ANKRD17: variants seen among roughly 807,000 people sequenced by gnomAD.
The protein encoded by ANKRD17 is ankyrin repeat domain 17.
A neutral mutation model predicts 229.7 loss-of-function variants in ANKRD17; 19 were observed. The observed-to-expected ratio is 0.08, with a 90% CI of 0.06 to 0.12. The LOEUF is 0.12. ANKRD17 is among the 10% of genes least tolerant of loss of function. The pLI, the probability that ANKRD17 is intolerant of heterozygous loss-of-function variation, is 1.00. For missense variants in ANKRD17, 2,176 were observed against 3,176.8 expected, an observed-to-expected ratio of 0.68 and a Z score of 7.57; for synonymous variants, 1,112 against 1,146.1, an observed-to-expected ratio of 0.97 and a Z score of 0.60.
chr4:73,166,034 C>A (rs1385480565), intron 2 of ANKRD17, among the ~76,000 whole-genome samples: 1 of 152,182 alleles, frequency 6.6e-6, no homozygotes, highest in Non-Finnish European at 1.5e-5. Flanking sequence ...GTCTGGCTCA[C>A]AGAAATTTAA....
chr4:73,192,097 A>C (rs925886504), intron 1 of ANKRD17, among the ~76,000 whole-genome samples: 1 of 152,002 alleles, frequency 6.6e-6, no homozygotes, highest in African/African-American at 2.4e-5. Flanking sequence ...ATCACCTCTC[A>C]TCTCTTTTGC....
intron 1 of ANKRD17, among the ~76,000 whole-genome samples, chr4:73,229,751 A>G (rs1742871432): frequency 6.6e-6 from 1 of 152,018 alleles, no homozygotes; most frequent in African/African-American, 2.4e-5. Context: ...ATTCCCCCCA[A>G]TATTTAATGG....
chr4:73,140,517 C>T (rs1729464633), intron 14 of ANKRD17, among the ~76,000 whole-genome samples: 1 of 152,170 alleles, frequency 6.6e-6, no homozygotes, highest in African/African-American at 2.4e-5. Context: ...AAAAATAGCA[C>T]ATGGCTTAAA....
At chr4:73,212,511 C>A (rs1373398118) in intron 1 of ANKRD17, among the ~76,000 whole-genome samples, 1 of 151,656 alleles carries the variant, frequency 6.6e-6, no homozygotes, top group Non-Finnish European at 1.5e-5. Context: ...CAGAAGAGAG[C>A]ATATTTCTAT....
intron 24 of ANKRD17, among the ~76,000 whole-genome samples, chr4:73,110,500 A>G (rs532578377): frequency 6.6e-6 from 1 of 152,296 alleles, no homozygotes; most frequent in South Asian, 2.1e-4. Flanking sequence ...CAAATTTTCC[A>G]AATTAGAAAG....
chr4:73,083,910 G>T (rs1186092524), intron 30 of ANKRD17, among the ~76,000 whole-genome samples: 1 of 142,132 alleles, frequency 7.0e-6, no homozygotes, highest in East Asian at 2.2e-4. Context: ...AGTATTGCTA[G>T]TTAGAAGAAA....
chr4:73,147,140 A>T (rs1730391417), intron 9 of ANKRD17, 101 bp downstream of exon 9: 3 of 1,160,182 alleles, frequency 2.6e-6, no homozygotes, highest in Non-Finnish European at 3.6e-6. Context: ...TTTTAAACTC[A>T]CACATTCAGT....
intron 15 of ANKRD17, among the ~76,000 whole-genome samples, chr4:73,138,854 A>T (rs1307650970): frequency 6.6e-6 from 1 of 152,140 alleles, no homozygotes; most frequent in East Asian, 1.9e-4. Flanking sequence ...CAATGAAACT[A>T]GTTATAATCG....
At chr4:73,252,171 G>A (rs148817807) in intron 1 of ANKRD17, among the ~76,000 whole-genome samples, 1 of 152,316 alleles carries the variant, frequency 6.6e-6, no homozygotes, top group African/African-American at 2.4e-5. Context: ...ACTTACATAA[G>A]ACACATGGTA....
intron 1 of ANKRD17, among the ~76,000 whole-genome samples, chr4:73,257,231 G>A (rs576746255): frequency 1.3e-5 from 2 of 152,206 alleles, no homozygotes; most frequent in East Asian, 1.9e-4. Context: ...AGACAAGAGA[G>A]TGGTAAAACA....
At chr4:73,190,130 AGGCTGAGGCT>A (rs1403522858) in intron 1 of ANKRD17, among the ~76,000 whole-genome samples, 1 of 152,132 alleles carries the variant, frequency 6.6e-6, no homozygotes, top group African/African-American at 2.4e-5. Flanking sequence ...GCATGTTGGG[AGGCTGAGGCT>A]GGCAGATCAC....
chr4:73,209,164 C>A, intron 1 of ANKRD17, among the ~76,000 whole-genome samples: 1 of 152,112 alleles, frequency 6.6e-6, no homozygotes, highest in East Asian at 1.9e-4. Flanking sequence ...CAAGATCGTG[C>A]CACTGCACTC....
intron 24 of ANKRD17, among the ~76,000 whole-genome samples, chr4:73,103,790 G>C (rs565605568): frequency 6.7e-6 from 1 of 149,874 alleles, no homozygotes; most frequent in Admixed American, 6.6e-5. Flanking sequence ...GCTTTTGCTA[G>C]ATACTCTCTG....
intron 23 of ANKRD17, among the ~76,000 whole-genome samples, chr4:73,114,680 C>T (rs1332412892): frequency 6.6e-6 from 1 of 152,066 alleles, no homozygotes; most frequent in Non-Finnish European, 1.5e-5. Context: ...TTTTTAATCT[C>T]CCCCTCTGCC....
chr4:73,098,926 G>A (rs1723618526), intron 25 of ANKRD17: 12 of 1,031,820 alleles, frequency 1.2e-5, no homozygotes, highest in Non-Finnish European at 1.8e-5. Context: ...AGCCTCTGGT[G>A]AGTTCCGGGA....
intron 1 of ANKRD17, among the ~76,000 whole-genome samples, chr4:73,190,639 CA>C (rs1736945810): frequency 6.6e-6 from 1 of 150,568 alleles, no homozygotes; most frequent in Admixed American, 6.6e-5. Context: ...AAAATGCTAT[CA>C]TTTGCAGAAA....
intron 1 of ANKRD17, among the ~76,000 whole-genome samples, chr4:73,256,474 G>A (rs961316480): frequency 3.3e-5 from 5 of 152,138 alleles, no homozygotes; most frequent in African/African-American, 7.2e-5. Context: ...CTATTTTTCT[G>A]AATGATATCA....
chr4:73,183,771 G>GT (rs973883742), intron 1 of ANKRD17, among the ~76,000 whole-genome samples: 5 of 151,468 alleles, frequency 3.3e-5, no homozygotes, highest in Non-Finnish European at 7.4e-5. Flanking sequence ...GGTCTATAGA[G>GT]TTTTTTTTTA....
intron 16 of ANKRD17, 59 bp downstream of exon 16, chr4:73,135,054 TAATG>T: frequency 6.7e-7 from 1 of 1,494,236 alleles, no homozygotes. Flanking sequence ...CTCTGAAAGT[TAATG>T]TTTTTAATTA....
Sources: gnomAD v4.1 joint callset for allele counts (sites outside exome capture counted in the v4.1 genomes callset) on GRCh38, gnomAD v4.1.1 for gene constraint, MANE v1.5 for transcripts, NCBI Gene and HGNC (gene_info 2026-07-23, HGNC 2026-07-21) for gene names.